CDH12: variants seen among roughly 807,000 people sequenced by gnomAD.
CDH12 encodes the protein cadherin 12.
In CDH12, 41 loss-of-function variants were observed where a neutral mutation model predicts 74.1. The ratio of observed to expected loss-of-function variants is 0.55; its 90% CI spans 0.43 to 0.72. CDH12 has a LOEUF of 0.72. Ranked by LOEUF, CDH12 falls within the 30% of genes least tolerant of loss-of-function variation. The pLI, the probability that CDH12 is intolerant of heterozygous loss-of-function variation, is 0.00. For synonymous variants in CDH12, 399 were observed against 355.0 expected, an observed-to-expected ratio of 1.12 and a Z score of -1.39; for missense variants, 945 against 977.2, an observed-to-expected ratio of 0.97 and a Z score of 0.44.
At chr5:22,665,265 T>C (rs1160339738) in intron 1 of CDH12, among the ~76,000 whole-genome samples, 1 of 152,214 alleles carries the variant, frequency 6.6e-6, no homozygotes, top group Non-Finnish European at 1.5e-5. Flanking sequence ...TTGTATGTTC[T>C]CAATATATTG....
At chr5:22,570,598 T>C (rs552349830) in intron 1 of CDH12, among the ~76,000 whole-genome samples, 84 of 152,322 alleles carry the variant, frequency 5.5e-4, no homozygotes, top group African/African-American at 1.9e-3. Flanking sequence ...TGTAAACAGA[T>C]GTGGCTGTCA....
chr5:22,072,239 T>C (rs911223275), intron 5 of CDH12, among the ~76,000 whole-genome samples: 3 of 152,140 alleles, frequency 2.0e-5, no homozygotes, highest in Non-Finnish European at 2.9e-5. Flanking sequence ...GCTACTCATC[T>C]GGGTATGAGA....
rs959496782 is a variant in CDH12, at chr5:22,463,715, A to G, written c.-428+41555T>C. The stretch of plus-strand genomic sequence containing the variant: ...TATAAATCTATTAATTAAAGTATTC[A>G]TTAATTTATGAAGTTAATTTAGTAA... On this transcript the variant is annotated intron_variant, in intron 2 of 14. Transcript: ENST00000382254. Among the ~76,000 whole-genome samples, 21 of 152,198 alleles carry G rather than the reference A, an allele frequency of 1.4e-4. 1 individual carries two copies. Among genetic ancestry groups the G allele is most frequent in the Non-Finnish European group, 1.5e-5 (1 of 68,024 alleles).
chr5:21,996,435 A>T (rs1736306761), intron 5 of CDH12, among the ~76,000 whole-genome samples: 2 of 152,188 alleles, frequency 1.3e-5, no homozygotes, highest in Non-Finnish European at 2.9e-5. Flanking sequence ...GGAACTAGGA[A>T]CTTCCTTAGA....
intron 10 of CDH12, among the ~76,000 whole-genome samples, chr5:21,788,016 T>C (rs1746289070): frequency 6.6e-6 from 1 of 152,204 alleles, no homozygotes; most frequent in African/African-American, 2.4e-5. Flanking sequence ...GCTCACTGTG[T>C]TCAATTTTTC....
chr5:22,337,246 G>C (rs1428142952), intron 3 of CDH12, among the ~76,000 whole-genome samples: 1 of 152,152 alleles, frequency 6.6e-6, no homozygotes, highest in Admixed American at 6.5e-5. Flanking sequence ...TAGGCAGAAG[G>C]GACACGCCTT....
intron 6 of CDH12, among the ~76,000 whole-genome samples, chr5:21,913,315 C>A (rs1753944742): frequency 6.6e-6 from 1 of 152,036 alleles, no homozygotes; most frequent in African/African-American, 2.4e-5. Context: ...CATATTTAAG[C>A]CATTACAATA....
At position 21,816,937 on chromosome 5, in the gene CDH12, C is replaced by A; in HGVS notation, c.1002+8G>T. On this transcript the variant is annotated splice_region_variant and intron_variant, in intron 9 of 14. Coordinates refer to ENST00000382254, the MANE Select transcript of CDH12 (RefSeq NM_004061.5). ...AGTAGTCAACTGTCCCAACATTTGT[C>A]TATATACCTTTTTCAATTTGATGAC... 6.3e-7 allele frequency: 1 copy of A among 1,575,010 alleles called. No individual in the cohort carries two copies. Among genetic ancestry groups the A allele is most frequent in the South Asian group, 1.1e-5 (1 of 87,048 alleles).
At chr5:22,489,007 T>C (rs989950829) in intron 2 of CDH12, among the ~76,000 whole-genome samples, 2 of 150,032 alleles carry the variant, frequency 1.3e-5, no homozygotes, top group Admixed American at 6.7e-5. Flanking sequence ...AGCCATTTTT[T>C]TTCTATTATT....
chr5:21,982,809 G>A (rs1257004200), intron 5 of CDH12, among the ~76,000 whole-genome samples: 2 of 151,566 alleles, frequency 1.3e-5, no homozygotes, highest in Non-Finnish European at 2.9e-5. Flanking sequence ...AAACCTTTTT[G>A]TTTTATTACC....
chr5:22,124,280 C>T (rs1250784809), intron 4 of CDH12, among the ~76,000 whole-genome samples: 2 of 152,174 alleles, frequency 1.3e-5, no homozygotes, highest in African/African-American at 4.8e-5. Flanking sequence ...TGGGCCACCA[C>T]GCCCAGCCAA....
chr5:22,148,762 C>T (rs2150307064), intron 4 of CDH12, among the ~76,000 whole-genome samples: 1 of 152,268 alleles, frequency 6.6e-6, no homozygotes, highest in South Asian at 2.1e-4. Flanking sequence ...ATTGAATGGC[C>T]TTCTTTCTTG....
chr5:22,793,009 C>A (rs1478192635), intron 1 of CDH12, among the ~76,000 whole-genome samples: 1 of 152,092 alleles, frequency 6.6e-6, no homozygotes, highest in Admixed American at 6.5e-5. Flanking sequence ...GACCATGCAC[C>A]CCAAGGTATG....
intron 3 of CDH12, among the ~76,000 whole-genome samples, chr5:22,323,529 G>T (rs1461527096): frequency 6.6e-6 from 1 of 152,090 alleles, no homozygotes; most frequent in Non-Finnish European, 1.5e-5. Flanking sequence ...TATATTTTAT[G>T]TTTATTGGCA....
rs936676310 is a variant in CDH12, at chr5:21,890,742, A to T, written c.527-35952T>A. On this transcript the variant is annotated intron_variant, in intron 6 of 14. Coordinates refer to ENST00000382254, the MANE Select transcript of CDH12 (RefSeq NM_004061.5). ...GGACAAACATGTTAGGATTCTCTAT[A>T]TATTTGAAAAACGAAATAACGCAAT... Among the ~76,000 whole-genome samples, 3 of 152,156 alleles carry T rather than the reference A, an allele frequency of 2.0e-5. No homozygotes were observed. In the East Asian group the frequency reaches 5.8e-4, roughly 29 times the overall value.
At chr5:22,512,125 TATAG>T (rs1176017468) in intron 1 of CDH12, among the ~76,000 whole-genome samples, 1 of 152,154 alleles carries the variant, frequency 6.6e-6, no homozygotes, top group Admixed American at 6.5e-5. Flanking sequence ...TAAGATGAGT[TATAG>T]ATACATAAGT....
intron 1 of CDH12, among the ~76,000 whole-genome samples, chr5:22,741,676 C>T (rs562475073): frequency 1.3e-5 from 2 of 152,210 alleles, no homozygotes; most frequent in South Asian, 4.2e-4. Flanking sequence ...TATGTGTCTC[C>T]TTAGGAGCAA....
At chr5:22,214,336 G>A (rs563468151) in intron 3 of CDH12, among the ~76,000 whole-genome samples, 1 of 152,202 alleles carries the variant, frequency 6.6e-6, no homozygotes, top group African/African-American at 2.4e-5. Flanking sequence ...ACCACTTCAG[G>A]AGAGGGAGAA....
Position 22,031,105 on chromosome 5 carries a change from C to T in CDH12, c.231+47341G>A, listed in dbSNP as rs371098821. Among the ~76,000 whole-genome samples the T allele has an allele frequency of 2.3e-4, 35 of 152,088 alleles. 1 individual carries two copies. The highest frequency in any genetic ancestry group is 1.9e-3 in the South Asian group (9 of 4,806). On this transcript the variant is annotated intron_variant, in intron 5 of 14. Transcript: ENST00000382254. ...ATCCCAGCACTTTAGGAGGCCAAGG[C>T]GGGTGGATCACAAGCTCAGGAGTTC...
Sources: gnomAD v4.1 joint callset for allele counts (sites outside exome capture counted in the v4.1 genomes callset) on GRCh38, gnomAD v4.1.1 for gene constraint, MANE v1.5 for transcripts, NCBI Gene and HGNC (gene_info 2026-07-23, HGNC 2026-07-21) for gene names.